TGFB1I1: variants seen among roughly 807,000 people sequenced by gnomAD.
TGFB1I1 encodes transforming growth factor beta-1-induced transcript 1 protein.
Under a neutral mutation model 52.0 loss-of-function variants are expected in TGFB1I1, and 33 were observed. That is an observed-to-expected ratio of 0.63 (90% CI 0.48 to 0.85). TGFB1I1 has a LOEUF of 0.85. Among genes scored for constraint, TGFB1I1 ranks in the 40% least tolerant of loss-of-function variants. The pLI is 0.00. For missense variants in TGFB1I1, 577 were observed against 614.9 expected (o/e 0.94, Z 0.65); for synonymous variants, 236 against 253.3 (o/e 0.93, Z 0.65).
At chr16:31,475,927 G>A (rs986755144) in intron 7 of TGFB1I1, 85 bp from the exon 8 acceptor site, 8 of 1,402,832 alleles carry the variant, frequency 5.7e-6, no homozygotes, top group Non-Finnish European at 7.8e-6. Context: ...GCTCAGAGAG[G>A]ACTCGAAAAA....
Position 31,477,038 on chromosome 16 carries a change from G to A in TGFB1I1, c.1119+28G>A. On this transcript the variant is annotated intron_variant, in intron 10 of 10. Transcript: ENST00000394863. This position sits in a 1 kb window ranked among gnomAD's most constrained non-coding sequence, Gnocchi z 4.7. ...GCGAGCTGCGGGGCGGGGCGTTGGA[G>A]GGGCGGGTCAAGGGTACAGGGCTGT... 1 of 1,546,746 alleles carries A rather than the reference G, an allele frequency of 6.5e-7. No individual in the cohort carries two copies. Among genetic ancestry groups the A allele is most frequent in the Non-Finnish European group, 8.7e-7 (1 of 1,155,624 alleles).
At chr16:31,472,445 G>A (rs530288644) in intron 1 of TGFB1I1, 1 of 759,906 alleles carries the variant, frequency 1.3e-6, no homozygotes, top group Non-Finnish European at 1.8e-6. Context: ...CAGATGGAAC[G>A]GGAGGTGCGG....
Position 31,476,330 on chromosome 16 carries a change from A to C in TGFB1I1, c.888+145A>C. On this transcript the variant is annotated intron_variant, in intron 8 of 10. Coordinates refer to ENST00000394863, the MANE Select transcript of TGFB1I1 (RefSeq NM_001042454.3). The surrounding 1 kb of genome is among the most constrained non-coding windows in gnomAD (Gnocchi z 7.6). ...CTTGGCAATGTCCACGGCCCCTTGG[A>C]CTCCACTCTTCCTTTCTGACCCCCA... The C allele has an allele frequency of 9.2e-7, 1 of 1,082,048 alleles. No homozygotes were observed. Among genetic ancestry groups the C allele is most frequent in the South Asian group, 1.5e-5 (1 of 66,702 alleles). 67.0% of individuals were successfully genotyped at this position (1,082,048 alleles called of 1,614,324 possible).
chr16:31,477,707 T>G lies in TGFB1I1; in HGVS notation c.*131T>G. ...GGAGAGCCCCGCCCCTAAGGTACTA[T>G]GAGTCCTCAGGGGTCAAGTTCAGAA... On this transcript the variant is annotated 3_prime_UTR_variant, in exon 11 of 11. Transcript: ENST00000394863. The surrounding 1 kb of genome is among the most constrained non-coding windows in gnomAD (Gnocchi z 4.7). The G allele has an allele frequency of 7.9e-7, 1 of 1,267,516 alleles. No individual in the cohort carries two copies. The highest frequency in any genetic ancestry group is 1.1e-6 in the Non-Finnish European group (1 of 946,656). 78.5% of individuals were successfully genotyped at this position (1,267,516 alleles called of 1,614,324 possible).
Position 31,476,614 on chromosome 16 carries a change from T to C in TGFB1I1, c.970+52T>C. On this transcript the variant is annotated intron_variant, in intron 9 of 10. Coordinates refer to ENST00000394863, the MANE Select transcript of TGFB1I1 (RefSeq NM_001042454.3). The surrounding 1 kb of genome is among the most constrained non-coding windows in gnomAD (Gnocchi z 7.6). ...AAAAGCTGCGGGTCCCCTCGACGTCTCGCCCCAGCCCCTCCGACCTCCGGA... is the reference window on the plus strand; with the variant it reads ...AAAAGCTGCGGGTCCCCTCGACGTCCCGCCCCAGCCCCTCCGACCTCCGGA... 6.4e-7 allele frequency: 1 copy of C among 1,570,680 alleles called. No homozygotes were observed. Among genetic ancestry groups the C allele is most frequent in the East Asian group, 2.3e-5 (1 of 43,890 alleles).
chr16:31,476,693 C>A lies in TGFB1I1; in HGVS notation c.970+131C>A. 2 of 1,435,912 alleles carry A rather than the reference C, an allele frequency of 1.4e-6. No individual in the cohort carries two copies. Among genetic ancestry groups the A allele is most frequent in the Non-Finnish European group, 1.9e-6 (2 of 1,056,556 alleles). The allele number at this position is 1,435,912 out of a possible 1,614,324, so 88.9% of individuals were successfully genotyped here. A position where few individuals can be genotyped will look rare whatever the true frequency, so the allele number is the denominator to read the frequency against. On this transcript the variant is annotated intron_variant, in intron 9 of 10. Coordinates refer to ENST00000394863, the MANE Select transcript of TGFB1I1 (RefSeq NM_001042454.3). This position sits in a 1 kb window ranked among gnomAD's most constrained non-coding sequence, Gnocchi z 7.6. ...TCTCTTCTGGCCCTGCCCTCTCCTA[C>A]ACAGACTCCGGACCCGAGCCCTCCC...
At chr16:31,475,735 A>G (rs896757847) in intron 7 of TGFB1I1, 2 of 377,204 alleles carry the variant, frequency 5.3e-6, no homozygotes, top group Non-Finnish European at 9.5e-6. Context: ...TCGTATTTTG[A>G]TTTTAAAAAA....
In TGFB1I1 at chr16:31,474,047, G is replaced by C. The variant is rs2082407321; in HGVS notation, c.325+70G>C. 6.2e-7 allele frequency: 1 copy of C among 1,611,114 alleles called. No homozygotes were observed. The highest frequency in any genetic ancestry group is 1.3e-5 in the African/African-American group (1 of 74,892). Reference sequence around the variant, plus strand: ...GAGGGAAGGGTGGGGCAGAGACTAAGAGGAATACACTTCCCAGAGTAGCAG... The same window carrying C: ...GAGGGAAGGGTGGGGCAGAGACTAACAGGAATACACTTCCCAGAGTAGCAG... On this transcript the variant is annotated intron_variant, in intron 4 of 10. Transcript: ENST00000394863. The surrounding 1 kb of genome is among the most constrained non-coding windows in gnomAD (Gnocchi z 4.2).
Position 31,476,091 on chromosome 16 carries a change from G to C in TGFB1I1, c.794G>C (p.Ser265Thr), listed in dbSNP as rs1256734600. Residue 265 changes from serine (S) to threonine (T), a missense_variant, in exon 8 of 11, where the codon AGC (serine) becomes ACC (threonine). By Grantham distance (58) the Ser-to-Thr change is moderately conservative (BLOSUM62 1). Coordinates refer to ENST00000394863, the MANE Select transcript of TGFB1I1 (RefSeq NM_001042454.3). The surrounding 1 kb of genome is among the most constrained non-coding windows in gnomAD (Gnocchi z 7.6). ...GGCSTALGGS[S>T]FFEKDGAPFC... ...TGTTCCACCGCCCTGGGAGGCAGCA[G>C]CTTCTTCGAGAAGGATGGAGCCCCC... 3.1e-6 allele frequency: 5 copies of C among 1,613,904 alleles called. No homozygotes were observed. Among genetic ancestry groups the C allele is most frequent in the Non-Finnish European group, 4.2e-6 (5 of 1,180,004 alleles).
In TGFB1I1 at chr16:31,475,177, C is replaced by T. The variant is rs149339543; in HGVS notation, c.714+420C>T. On this transcript the variant is annotated intron_variant, in intron 7 of 10. Transcript: ENST00000394863. ...ACAACAGCTGTGCCTAGGGGTTAACCTAGTGCCCCCTGCTAGATCAAGTAC... is the reference window on the plus strand; with the variant it reads ...ACAACAGCTGTGCCTAGGGGTTAACTTAGTGCCCCCTGCTAGATCAAGTAC... 299 of 173,288 alleles carry T rather than the reference C, an allele frequency of 1.7e-3. 2 individuals are homozygous for T. Among genetic ancestry groups the T allele is most frequent in the Non-Finnish European group, 2.4e-3 (193 of 79,550 alleles). The allele number at this position is 173,288 out of a possible 1,614,324, so 10.7% of individuals were successfully genotyped here. A position where few individuals can be genotyped will look rare whatever the true frequency, so the allele number is the denominator to read the frequency against.
rs763545810 is a variant in TGFB1I1, at chr16:31,474,977, G to C, written c.714+220G>C. On this transcript the variant is annotated intron_variant, in intron 7 of 10. Coordinates refer to ENST00000394863, the MANE Select transcript of TGFB1I1 (RefSeq NM_001042454.3). This position sits in a 1 kb window ranked among gnomAD's most constrained non-coding sequence, Gnocchi z 4.2. ...TGTTACCATTTATTGTGGTCCTACT[G>C]TGTGCCAGGCACTGTGCCAGCTCCT... 1.0e-5 allele frequency: 6 copies of C among 574,310 alleles called. No individual in the cohort carries two copies. Among genetic ancestry groups the C allele is most frequent in the East Asian group, 3.0e-5 (1 of 33,622 alleles). 35.6% of individuals were successfully genotyped at this position (574,310 alleles called of 1,614,324 possible). A position where few individuals can be genotyped will look rare whatever the true frequency, so the allele number is the denominator to read the frequency against.
chr16:31,477,351 C>A lies in TGFB1I1; in HGVS notation c.1161C>A (p.His387Gln), dbSNP rs1458808352. ...APFSGGSFFE[H>Q]EGRPLCENHF... ...TCTCGGGAGGCAGCTTTTTCGAGCA[C>A]GAGGGCCGCCCGTTGTGCGAGAACC... The change falls in exon 11 of 11, where the codon CAC (histidine) becomes CAA (glutamine). Residue 387 changes from histidine (H) to glutamine (Q), a missense_variant. This residue lies in a region of TGFB1I1 where 456 missense variants were observed against 461.6 expected (regional missense o/e 0.99). Transcript: ENST00000394863. The surrounding 1 kb of genome is among the most constrained non-coding windows in gnomAD (Gnocchi z 4.7). 2 of 1,611,504 alleles carry A rather than the reference C, an allele frequency of 1.2e-6. No individual in the cohort carries two copies. The highest frequency in any genetic ancestry group is 1.3e-5 in the African/African-American group (1 of 75,012).
At position 31,473,506 on chromosome 16, in the gene TGFB1I1, C is replaced by A; in HGVS notation, c.79C>A (p.Arg27Ser). 3.7e-6 allele frequency: 6 copies of A among 1,613,802 alleles called. No homozygotes were observed. Among genetic ancestry groups the A allele is most frequent in the Non-Finnish European group, 4.2e-6 (5 of 1,180,006 alleles). The change falls in exon 2 of 11, where the codon CGC (arginine) becomes AGC (serine). Residue 27 changes from arginine to serine, a missense_variant. Arg to Ser is a moderately radical substitution (Grantham distance 110). This residue lies in a region of TGFB1I1 where 113 missense variants were observed against 123.9 expected (regional missense o/e 0.91). Transcript: ENST00000394863. ...GCCAAGGTCAGGGGCTCCCAAAGAG[C>A]GCCCTGCGGAGCCTCTCACCCCTCC... ...HMPRSGAPKE[R>S]PAEPLTPPPS... is the part of the protein sequence containing the mutation.
At chr16:31,472,396 CCTT>C (rs1173478683) in intron 1 of TGFB1I1, 195 bp downstream of exon 1, 2 of 1,040,466 alleles carry the variant, frequency 1.9e-6, no homozygotes, top group Non-Finnish European at 2.5e-6. Context: ...CCGCTCCCTC[CCTT>C]CTTCCCTCGC....
In TGFB1I1 at chr16:31,477,452, G is replaced by C; in HGVS notation, c.1262G>C (p.Gly421Ala). The stretch of plus-strand genomic sequence containing the variant: ...ACCGGCCGCTGCGTGTCGGCCCTGG[G>C]TCGCCGCTTCCACCCGGACCACTTC... Reference protein sequence around the residue: ...PVTGRCVSALGRRFHPDHFTC... With the variant: ...PVTGRCVSALARRFHPDHFTC... Residue 421 changes from glycine (G) to alanine (A), a missense_variant, in exon 11 of 11, where the codon GGT becomes GCT. By Grantham distance (60) the Gly-to-Ala change is moderately conservative (BLOSUM62 0). Around this residue, in one of 3 missense-constraint regions of TGFB1I1, gnomAD observed 456 missense variants for 461.6 expected, o/e 0.99. Coordinates refer to ENST00000394863, the MANE Select transcript of TGFB1I1 (RefSeq NM_001042454.3). The surrounding 1 kb of genome is among the most constrained non-coding windows in gnomAD (Gnocchi z 4.7). 1 of 1,600,646 alleles carries C rather than the reference G, an allele frequency of 6.2e-7. No homozygotes were observed. The highest frequency in any genetic ancestry group is 8.5e-7 in the Non-Finnish European group (1 of 1,174,204).
At position 31,474,966 on chromosome 16, in the gene TGFB1I1, G is replaced by A. The variant is rs2082415124; in HGVS notation, c.714+209G>A. The A allele has an allele frequency of 8.4e-6, 5 of 593,044 alleles. No homozygotes were observed. Among genetic ancestry groups the A allele is most frequent in the Non-Finnish European group, 1.5e-5 (5 of 335,940 alleles). The allele number at this position is 593,044 out of a possible 1,614,324, so 36.7% of individuals were successfully genotyped here. On this transcript the variant is annotated intron_variant, in intron 7 of 10. Transcript: ENST00000394863. This position sits in a 1 kb window ranked among gnomAD's most constrained non-coding sequence, Gnocchi z 4.2. ...AATTCCAACCATGTTACCATTTATTGTGGTCCTACTGTGTGCCAGGCACTG... is the reference window on the plus strand; with the variant it reads ...AATTCCAACCATGTTACCATTTATTATGGTCCTACTGTGTGCCAGGCACTG...
rs770058334 is a variant in TGFB1I1, at chr16:31,473,864, C to T, written c.212C>T (p.Pro71Leu). The change falls in exon 4 of 11, where the codon CCT becomes CTT. Residue 71 changes from proline (P) to leucine (L), a missense_variant. This residue lies in a region of TGFB1I1 where 113 missense variants were observed against 123.9 expected (regional missense o/e 0.91). Coordinates refer to ENST00000394863, the MANE Select transcript of TGFB1I1 (RefSeq NM_001042454.3). ...GTATGCAAGCCTCGGTCCCCAAAGC[C>T]TGCAGCCCCGGCGGCCCCTCCATTC... is the stretch of plus-strand genomic sequence containing the variant. Reference protein sequence around the residue: ...STVCKPRSPKPAAPAAPPFSS... With the variant: ...STVCKPRSPKLAAPAAPPFSS... 6.2e-7 allele frequency: 1 copy of T among 1,614,172 alleles called. No homozygotes were observed. Among genetic ancestry groups the T allele is most frequent in the Non-Finnish European group, 8.5e-7 (1 of 1,180,032 alleles).
Position 31,477,024 on chromosome 16 carries a change from G to A in TGFB1I1, c.1119+14G>A, listed in dbSNP as rs1305509828. 6.4e-7 allele frequency: 1 copy of A among 1,565,832 alleles called. No homozygotes were observed. Among genetic ancestry groups the A allele is most frequent in the Non-Finnish European group, 8.6e-7 (1 of 1,163,454 alleles). ...TTCGTCTGCAGGGTGCGAGCTGCGG[G>A]GCGGGGCGTTGGAGGGGCGGGTCAA... On this transcript the variant is annotated intron_variant, in intron 10 of 10. Transcript: ENST00000394863. This position sits in a 1 kb window ranked among gnomAD's most constrained non-coding sequence, Gnocchi z 4.7.
In TGFB1I1 at chr16:31,477,360, C is replaced by A. The variant is rs771208868; in HGVS notation, c.1170C>A (p.Arg390=). ...GCAGCTTTTTCGAGCACGAGGGCCG[C>A]CCGTTGTGCGAGAACCACTTCCACG... ...SGGSFFEHEG[R]PLCENHFHAR... The change falls in exon 11 of 11, where the codon CGC becomes CGA. Residue 390 remains arginine (R), a synonymous_variant. Coordinates refer to ENST00000394863, the MANE Select transcript of TGFB1I1 (RefSeq NM_001042454.3). This position sits in a 1 kb window ranked among gnomAD's most constrained non-coding sequence, Gnocchi z 4.7. 105 of 1,611,864 alleles carry A rather than the reference C, an allele frequency of 6.5e-5. No individual in the cohort carries two copies. The Admixed American group carries it at 1.7e-3, about 26-fold the overall frequency.
Sources: gnomAD v4.1 joint callset for allele counts on GRCh38, gnomAD v4.1.1 for gene constraint, gnomAD v4.1.1 regional missense constraint, Gnocchi (gnomAD v3.1) non-coding constraint, MANE v1.5 for transcripts, NCBI Gene and HGNC (gene_info 2026-07-23, HGNC 2026-07-21) for gene names.